Variants in NAALADL2 observed in about 807,000 individuals in gnomAD.
NAALADL2 encodes the protein N-acetylated alpha-linked acidic dipeptidase like 2.
Under a neutral mutation model 87.2 loss-of-function variants are expected in NAALADL2, and 76 were observed. The observed-to-expected ratio is 0.87, with a 90% CI of 0.72 to 1.05. NAALADL2 has a LOEUF of 1.05. Among genes scored for constraint, NAALADL2 ranks in the 50% least tolerant of loss-of-function variants. The pLI is 0.00. For synonymous variants in NAALADL2, 354 were observed against 331.0 expected (o/e 1.07, Z -0.75); for missense variants, 1,089 against 945.8 (o/e 1.15, Z -1.99).
intron 1 of NAALADL2, among the ~76,000 whole-genome samples, chr3:174,492,270 C>CA (rs755613812): frequency 2.4e-3 from 261 of 110,640 alleles, no homozygotes; most frequent in African/African-American, 5.4e-3. Context: ...GACTCCGTCT[C>CA]AAAAAAAAAA....
intron 9 of NAALADL2, among the ~76,000 whole-genome samples, chr3:175,570,471 T>G (rs1053835226): frequency 6.6e-6 from 1 of 152,184 alleles, no homozygotes; most frequent in Non-Finnish European, 1.5e-5. Context: ...TTTAACATCA[T>G]TGGTGTCATT....
intron 2 of NAALADL2, among the ~76,000 whole-genome samples, chr3:174,596,786 C>T (rs1008367610): frequency 2.6e-5 from 4 of 152,184 alleles, no homozygotes; most frequent in African/African-American, 9.7e-5. Flanking sequence ...CTTGTGACGT[C>T]ATGGCCAATT....
Position 175,782,596 on chromosome 3 carries a change from TG to T in NAALADL2, c.2190-20407del, listed in dbSNP as rs1248619353. On this transcript the variant is annotated intron_variant, in intron 13 of 13. Coordinates refer to ENST00000454872, the MANE Select transcript of NAALADL2 (RefSeq NM_207015.3). ...AATTTGTTTGAGTCATTGTAGATTC[TG>T]GATATTAGCCCTTTGTCAGATGAGT... 2.8e-5 allele frequency among the ~76,000 whole-genome samples: 4 copies of T among 145,296 alleles called. No individual in the cohort carries two copies. In the East Asian group the frequency reaches 7.9e-4, roughly 29 times the overall value.
intron 1 of NAALADL2, among the ~76,000 whole-genome samples, chr3:175,002,397 T>C (rs1406419590): frequency 6.6e-6 from 1 of 152,092 alleles, no homozygotes; most frequent in Non-Finnish European, 1.5e-5. Flanking sequence ...TGAAGTTCCA[T>C]AATAAAAGTG....
At chr3:174,694,510 G>A (rs1325649192) in intron 2 of NAALADL2, among the ~76,000 whole-genome samples, 1 of 151,986 alleles carries the variant, frequency 6.6e-6, no homozygotes, top group East Asian at 1.9e-4. Context: ...AATGAATGTT[G>A]AATAAAAAGG....
chr3:174,635,787 G>A (rs189049346), intron 2 of NAALADL2, among the ~76,000 whole-genome samples: 2 of 152,258 alleles, frequency 1.3e-5, no homozygotes, highest in East Asian at 3.9e-4. Flanking sequence ...ACAGGCGTGA[G>A]CCACCACGTC....
intron 11 of NAALADL2, among the ~76,000 whole-genome samples, chr3:175,633,581 A>C (rs1055419541): frequency 6.6e-6 from 1 of 152,106 alleles, no homozygotes; most frequent in South Asian, 2.1e-4. Flanking sequence ...TCTATAGTAT[A>C]TATAAAAATC....
intron 1 of NAALADL2, among the ~76,000 whole-genome samples, chr3:175,044,510 C>A (rs1754448025): frequency 6.6e-6 from 1 of 152,036 alleles, no homozygotes; most frequent in South Asian, 2.1e-4. Flanking sequence ...CTGTTATATT[C>A]CTGGTAAACT....
At chr3:174,957,168 T>C (rs1216639017) in intron 1 of NAALADL2, among the ~76,000 whole-genome samples, 1 of 152,036 alleles carries the variant, frequency 6.6e-6, no homozygotes, top group African/African-American at 2.4e-5. Flanking sequence ...TCTAAGCATC[T>C]GGGCATACTA....
At chr3:174,556,663 G>A (rs1415413010) in intron 2 of NAALADL2, among the ~76,000 whole-genome samples, 1 of 152,154 alleles carries the variant, frequency 6.6e-6, no homozygotes, top group African/African-American at 2.4e-5. Context: ...AGAGCAAGCT[G>A]TGAAGCTCAG....
intron 5 of NAALADL2, among the ~76,000 whole-genome samples, chr3:175,446,532 A>G (rs1720736116): frequency 6.6e-6 from 1 of 151,982 alleles, no homozygotes; most frequent in South Asian, 2.1e-4. Context: ...ATGAACCACC[A>G]CACCAGGTCG....
intron 11 of NAALADL2, among the ~76,000 whole-genome samples, chr3:175,632,858 T>C (rs62284539): frequency 0.26 from 38,880 of 151,864 alleles, 5,575 homozygotes; most frequent in African/African-American, 0.4. Flanking sequence ...CGTATAGTAA[T>C]CACTAGTCAC....
At chr3:174,564,180 G>T (rs1323865514) in intron 2 of NAALADL2, among the ~76,000 whole-genome samples, 1 of 152,098 alleles carries the variant, frequency 6.6e-6, no homozygotes, top group African/African-American at 2.4e-5. Flanking sequence ...GGTTGGAGGG[G>T]TACTTTTACG....
intron 2 of NAALADL2, among the ~76,000 whole-genome samples, chr3:174,615,181 C>T (rs1202676512): frequency 6.6e-6 from 1 of 152,134 alleles, no homozygotes; most frequent in Non-Finnish European, 1.5e-5. Context: ...GGCCCAGCTG[C>T]ATTTTAAATG....
At chr3:175,762,999 G>A (rs1479287427) in intron 13 of NAALADL2, among the ~76,000 whole-genome samples, 1 of 152,098 alleles carries the variant, frequency 6.6e-6, no homozygotes, top group Non-Finnish European at 1.5e-5. Context: ...CAGGAGAATG[G>A]CATGAACCCA....
At chr3:174,807,305 G>A (rs1313891357) in intron 3 of NAALADL2, among the ~76,000 whole-genome samples, 1 of 150,448 alleles carries the variant, frequency 6.6e-6, no homozygotes, top group African/African-American at 2.5e-5. Context: ...GCACAGTGAA[G>A]TGAAAAAAAC....
At chr3:175,523,221 G>A (rs1310507639) in intron 9 of NAALADL2, among the ~76,000 whole-genome samples, 1 of 152,214 alleles carries the variant, frequency 6.6e-6, no homozygotes, top group East Asian at 1.9e-4. Context: ...TAACTGGAGA[G>A]TCAGGAGTTG....
chr3:174,828,452 AT>A (rs1467721384), intron 3 of NAALADL2, among the ~76,000 whole-genome samples: 5 of 152,174 alleles, frequency 3.3e-5, no homozygotes, highest in Non-Finnish European at 4.4e-5. Flanking sequence ...GAGTGTATAT[AT>A]TCTGATTCAG....
intron 2 of NAALADL2, among the ~76,000 whole-genome samples, chr3:174,568,193 T>C (rs908800895): frequency 2.6e-5 from 4 of 151,850 alleles, no homozygotes; most frequent in African/African-American, 9.7e-5. Flanking sequence ...TATCAACACT[T>C]TCTATTTATT....
Sources: gnomAD v4.1 joint callset for allele counts (sites outside exome capture counted in the v4.1 genomes callset) on GRCh38, gnomAD v4.1.1 for gene constraint, MANE v1.5 for transcripts, NCBI Gene and HGNC (gene_info 2026-07-23, HGNC 2026-07-21) for gene names.